Variants in PCDH9 observed in about 807,000 individuals in gnomAD.
The protein encoded by PCDH9 is protocadherin-9.
PCDH9 carries 24 observed loss-of-function variants against 70.6 expected under a neutral mutation model. That is an observed-to-expected ratio of 0.34 (90% CI 0.25 to 0.48). The LOEUF (loss-of-function observed/expected upper bound fraction) is 0.48. Among genes scored for constraint, PCDH9 ranks in the 20% least tolerant of loss-of-function variants. The pLI is 0.99. For synonymous variants in PCDH9, 562 were observed against 558.5 expected, an observed-to-expected ratio of 1.01 and a Z score of -0.09; for missense variants, 1,281 against 1,503.6, an observed-to-expected ratio of 0.85 and a Z score of 2.45.
chr13:66,887,156 T>C (rs1288008119), intron 3 of PCDH9, among the ~76,000 whole-genome samples: 1 of 151,780 alleles, frequency 6.6e-6, no homozygotes, highest in Admixed American at 6.6e-5. Flanking sequence ...GGATTTGCAA[T>C]TTTGGCACCG....
chr13:67,170,054 A>T (rs1275585048), intron 2 of PCDH9, among the ~76,000 whole-genome samples: 1 of 152,114 alleles, frequency 6.6e-6, no homozygotes, highest in Non-Finnish European at 1.5e-5. Flanking sequence ...GCTTATTTGC[A>T]GGTGGTTCTG....
At chr13:66,707,530 C>T (rs998348197) in intron 3 of PCDH9, among the ~76,000 whole-genome samples, 1 of 152,172 alleles carries the variant, frequency 6.6e-6, no homozygotes, top group Non-Finnish European at 1.5e-5. Flanking sequence ...TCATGCCGAT[C>T]AACATAGCAA....
chr13:66,519,080 A>G (rs114565021), intron 4 of PCDH9, among the ~76,000 whole-genome samples: 62 of 152,314 alleles, frequency 4.1e-4, no homozygotes, highest in African/African-American at 1.4e-3. Context: ...GTGGCCACAC[A>G]GAAATAATAG....
intron 3 of PCDH9, among the ~76,000 whole-genome samples, chr13:66,700,926 A>G (rs200162230): frequency 0.35 from 11,200 of 32,104 alleles, 1,261 homozygotes; most frequent in East Asian, 0.42. Flanking sequence ...ACATATAAAT[A>G]TATATATATA....
intron 4 of PCDH9, among the ~76,000 whole-genome samples, chr13:66,594,423 A>G (rs1383031738): frequency 6.6e-6 from 1 of 151,726 alleles, no homozygotes; most frequent in Non-Finnish European, 1.5e-5. Context: ...CCAGATTATA[A>G]TTGACTATGA....
intron 3 of PCDH9, among the ~76,000 whole-genome samples, chr13:66,688,624 T>C (rs2139077885): frequency 6.6e-6 from 1 of 152,252 alleles, no homozygotes; most frequent in South Asian, 2.1e-4. Context: ...TGTGGTTTTG[T>C]ATCAAATACT....
At chr13:66,959,385 G>A (rs1021981497) in intron 2 of PCDH9, among the ~76,000 whole-genome samples, 9 of 152,026 alleles carry the variant, frequency 5.9e-5, no homozygotes, top group African/African-American at 2.2e-4. Context: ...ATCTCAATAA[G>A]AAAGAAATTC....
intron 2 of PCDH9, among the ~76,000 whole-genome samples, chr13:67,190,537 A>G (rs774042022): frequency 6.2e-4 from 95 of 152,190 alleles, no homozygotes; most frequent in Non-Finnish European, 1.0e-3. Context: ...AAGATAAACT[A>G]GCAAATTGAA....
At chr13:67,034,027 C>T (rs1452529238) in intron 2 of PCDH9, among the ~76,000 whole-genome samples, 1 of 152,148 alleles carries the variant, frequency 6.6e-6, no homozygotes, top group Non-Finnish European at 1.5e-5. Context: ...CTCTGTCGCT[C>T]AGGCTGGAGT....
chr13:66,397,487 TATATGTATACACACAC>T (rs1957120825), intron 4 of PCDH9, among the ~76,000 whole-genome samples: 2 of 150,580 alleles, frequency 1.3e-5, no homozygotes, highest in Admixed American at 6.7e-5. Context: ...TGTATATATA[TATATGTATACACACAC>T]AAAATGTATG....
chr13:67,060,780 C>T (rs537270560), intron 2 of PCDH9, among the ~76,000 whole-genome samples: 1 of 152,176 alleles, frequency 6.6e-6, no homozygotes, highest in Non-Finnish European at 1.5e-5. Flanking sequence ...CTACTCCATC[C>T]TTTCCTAGGT....
chr13:66,797,842 T>C (rs901050236), intron 3 of PCDH9, among the ~76,000 whole-genome samples: 4 of 152,118 alleles, frequency 2.6e-5, no homozygotes, highest in African/African-American at 9.7e-5. Flanking sequence ...TTTTCCTAGC[T>C]AAGCTGGAAC....
intron 3 of PCDH9, among the ~76,000 whole-genome samples, chr13:66,833,862 G>T (rs1185472646): frequency 6.6e-6 from 1 of 152,080 alleles, no homozygotes; most frequent in Non-Finnish European, 1.5e-5. Context: ...GTGCTATTTA[G>T]GAAAATATGG....
At chr13:67,074,978 C>G (rs887441060) in intron 2 of PCDH9, among the ~76,000 whole-genome samples, 1 of 151,744 alleles carries the variant, frequency 6.6e-6, no homozygotes, top group African/African-American at 2.4e-5. Flanking sequence ...TAAGTTTAGA[C>G]ATTTTTTTTT....
chr13:66,872,685 TATG>T (rs58393988), intron 3 of PCDH9, among the ~76,000 whole-genome samples: 2,543 of 152,238 alleles, frequency 0.017, 69 homozygotes, highest in African/African-American at 0.059. Flanking sequence ...AAAAAATCAA[TATG>T]ATATTTTAAC....
At chr13:67,061,702 A>G (rs1178398277) in intron 2 of PCDH9, among the ~76,000 whole-genome samples, 1 of 152,088 alleles carries the variant, frequency 6.6e-6, no homozygotes, top group Non-Finnish European at 1.5e-5. Flanking sequence ...AACTCTCAAA[A>G]AGAAAGGTGC....
chr13:67,108,278 T>C (rs1026325812), intron 2 of PCDH9, among the ~76,000 whole-genome samples: 3 of 152,206 alleles, frequency 2.0e-5, no homozygotes, highest in Admixed American at 6.5e-5. Flanking sequence ...CAAATTGATA[T>C]GCCAAGGATC....
chr13:66,692,261 G>A (rs1032452133), intron 3 of PCDH9, among the ~76,000 whole-genome samples: 1 of 151,724 alleles, frequency 6.6e-6, no homozygotes, highest in Admixed American at 6.6e-5. Context: ...AATATTAGAG[G>A]GCAAATATTT....
intron 2 of PCDH9, among the ~76,000 whole-genome samples, chr13:66,963,580 C>A (rs767542592): frequency 6.6e-6 from 1 of 152,088 alleles, no homozygotes; most frequent in Non-Finnish European, 1.5e-5. Context: ...TGATTTTTAT[C>A]ATTGGTGTTA....
Sources: allele counts gnomAD v4.1 joint callset (sites outside exome capture counted in the v4.1 genomes callset), GRCh38; gene constraint gnomAD v4.1.1; transcripts MANE v1.5; gene names NCBI Gene and HGNC (gene_info 2026-07-23, HGNC 2026-07-21).